TAFA5: variants seen among roughly 807,000 people sequenced by gnomAD.
TAFA5 encodes TAFA chemokine like family member 5.
TAFA5 carries 6 observed loss-of-function variants against 15.3 expected under a neutral mutation model. The observed-to-expected ratio is 0.39, with a 90% CI of 0.21 to 0.77. The LOEUF (loss-of-function observed/expected upper bound fraction) is 0.77. Among genes scored for constraint, TAFA5 ranks in the 30% least tolerant of loss-of-function variants. The probability of loss-of-function intolerance (pLI) is 0.41; values close to 1 mark genes in which losing one functional copy is unlikely to be tolerated. For synonymous variants in TAFA5, 103 were observed against 80.7 expected (o/e 1.28, Z -1.48); for missense variants, 161 against 193.1 (o/e 0.83, Z 0.98).
chr22:48,641,312 C>T (rs1164805522), intron 1 of TAFA5, among the ~76,000 whole-genome samples: 1 of 152,148 alleles, frequency 6.6e-6, no homozygotes. Flanking sequence ...AAGGAGGTTT[C>T]ATATGATCAA....
chr22:48,551,076 C>T (rs114428443), intron 1 of TAFA5, among the ~76,000 whole-genome samples: 47 of 152,078 alleles, frequency 3.1e-4, no homozygotes, highest in African/African-American at 1.0e-3. Flanking sequence ...CAAAGTCCTC[C>T]GTGCCCCTCT....
intron 2 of TAFA5, among the ~76,000 whole-genome samples, chr22:48,693,873 G>A (rs930988870): frequency 4.6e-5 from 7 of 152,300 alleles, no homozygotes; most frequent in African/African-American, 1.7e-4. Context: ...TCAGATGGAC[G>A]CAGCTGACAG....
chr22:48,700,406 A>G (rs1395173912), intron 2 of TAFA5, among the ~76,000 whole-genome samples: 1 of 152,186 alleles, frequency 6.6e-6, no homozygotes, highest in Non-Finnish European at 1.5e-5. Flanking sequence ...AGGTACGACT[A>G]GAGCTCCCGG....
At chr22:48,553,592 C>T (rs922298370) in intron 1 of TAFA5, among the ~76,000 whole-genome samples, 3 of 152,150 alleles carry the variant, frequency 2.0e-5, no homozygotes, top group African/African-American at 7.2e-5. Context: ...GATCACCAGG[C>T]ACCACTGTCC....
intron 2 of TAFA5, among the ~76,000 whole-genome samples, chr22:48,688,714 G>A (rs1232835077): frequency 1.3e-5 from 2 of 152,160 alleles, no homozygotes; most frequent in Non-Finnish European, 2.9e-5. Context: ...AAGAGGGCTG[G>A]GCACAGTGGC....
chr22:48,663,171 A>G (rs73889503), intron 2 of TAFA5, among the ~76,000 whole-genome samples: 6,209 of 152,286 alleles, frequency 0.041, 205 homozygotes, highest in East Asian at 0.14. Flanking sequence ...GGCTCATTTT[A>G]GAGCCAGGTG....
rs958592365 is a variant in TAFA5, at chr22:48,490,102, C to T, written c.112+398C>T. On this transcript the variant is annotated intron_variant, in intron 1 of 3. Coordinates refer to ENST00000402357, the MANE Select transcript of TAFA5 (RefSeq NM_001082967.3). This position sits in a 1 kb window ranked among gnomAD's most constrained non-coding sequence, Gnocchi z 5.8. ...GCGCTGCCGGGGTGTCTGCGGAGCG[C>T]CCTCCCCGTGCCTCAGCCCGGGACA... 1.3e-5 allele frequency among the ~76,000 whole-genome samples: 2 copies of T among 152,080 alleles called. No individual in the cohort carries two copies. Among genetic ancestry groups the T allele is most frequent in the South Asian group, 4.1e-4 (2 of 4,834 alleles).
At chr22:48,593,694 A>G (rs1252984570) in intron 1 of TAFA5, among the ~76,000 whole-genome samples, 1 of 152,080 alleles carries the variant, frequency 6.6e-6, no homozygotes. Flanking sequence ...GAACTCTGGG[A>G]GCCGTCGCAG....
At chr22:48,576,339 C>T (rs1923798763) in intron 1 of TAFA5, 6 of 1,211,382 alleles carry the variant, frequency 5.0e-6, no homozygotes, top group South Asian at 4.1e-5. Flanking sequence ...GTGGCGCCTC[C>T]AGTCGCGGCG....
chr22:48,525,107 C>G (rs2147109315), intron 1 of TAFA5, among the ~76,000 whole-genome samples: 1 of 152,286 alleles, frequency 6.6e-6, no homozygotes, highest in Admixed American at 6.5e-5. Context: ...TGAGTTGGAG[C>G]CCACCTGGAG....
chr22:48,688,574 C>A (rs1347614072), intron 2 of TAFA5, among the ~76,000 whole-genome samples: 1 of 152,184 alleles, frequency 6.6e-6, no homozygotes, highest in Non-Finnish European at 1.5e-5. Flanking sequence ...CCCCTGGCTG[C>A]TCGGGGGACG....
At chr22:48,695,855 G>A (rs1442473126) in intron 2 of TAFA5, among the ~76,000 whole-genome samples, 1 of 152,202 alleles carries the variant, frequency 6.6e-6, no homozygotes, top group Non-Finnish European at 1.5e-5. Context: ...CAGCGTGGCT[G>A]GCTTCAAGTT....
At chr22:48,542,942 A>G (rs895730233) in intron 1 of TAFA5, among the ~76,000 whole-genome samples, 4 of 145,460 alleles carry the variant, frequency 2.7e-5, no homozygotes, top group African/African-American at 1.0e-4. Flanking sequence ...TCTGGGGTGT[A>G]TAGTCTGTGG....
chr22:48,526,550 A>T (rs902117432), intron 1 of TAFA5, among the ~76,000 whole-genome samples: 2 of 152,192 alleles, frequency 1.3e-5, no homozygotes, highest in African/African-American at 4.8e-5. Context: ...TGCCGGCCTC[A>T]CAAGGCTGAC....
chr22:48,578,898 C>T (rs960676051), intron 1 of TAFA5, among the ~76,000 whole-genome samples: 3 of 152,190 alleles, frequency 2.0e-5, no homozygotes, highest in South Asian at 2.1e-4. Flanking sequence ...CTGATGGGCT[C>T]GGCCTGGGGC....
At chr22:48,611,402 G>A (rs923755364) in intron 1 of TAFA5, among the ~76,000 whole-genome samples, 3 of 152,088 alleles carry the variant, frequency 2.0e-5, no homozygotes, top group Admixed American at 1.3e-4. Flanking sequence ...TTCAGCATTC[G>A]TTACCTGCGG....
intron 1 of TAFA5, among the ~76,000 whole-genome samples, chr22:48,599,315 G>A (rs1924878691): frequency 6.6e-6 from 1 of 152,170 alleles, no homozygotes; most frequent in Admixed American, 6.5e-5. Context: ...AGTCCGCTCC[G>A]TAACACGCAG....
intron 2 of TAFA5, among the ~76,000 whole-genome samples, chr22:48,650,522 G>A (rs541162888): frequency 1.3e-4 from 20 of 152,242 alleles, no homozygotes; most frequent in African/African-American, 4.6e-4. Context: ...ATTTGAATAG[G>A]GTATTGAGGG....
intron 1 of TAFA5, among the ~76,000 whole-genome samples, chr22:48,518,509 G>A (rs954518626): frequency 6.6e-6 from 1 of 152,174 alleles, no homozygotes; most frequent in African/African-American, 2.4e-5. Flanking sequence ...AGGAAAACGA[G>A]GGCTCTTGTC....
Sources: gnomAD v4.1 joint callset for allele counts (sites outside exome capture counted in the v4.1 genomes callset) on GRCh38, gnomAD v4.1.1 for gene constraint, Gnocchi (gnomAD v3.1) non-coding constraint, MANE v1.5 for transcripts, NCBI Gene and HGNC (gene_info 2026-07-23, HGNC 2026-07-21) for gene names.